SPON1: variants seen among roughly 807,000 people sequenced by gnomAD.
SPON1 encodes spondin-1.
Under a neutral mutation model 111.7 loss-of-function variants are expected in SPON1, and 52 were observed. The ratio of observed to expected loss-of-function variants is 0.47; its 90% CI spans 0.37 to 0.59. The LOEUF is 0.59. Among genes scored for constraint, SPON1 ranks in the 20% least tolerant of loss-of-function variants. SPON1 has a pLI of 0.00. For synonymous variants in SPON1, 410 were observed against 395.8 expected (o/e 1.04, Z -0.43); for missense variants, 957 against 1,068.5 (o/e 0.90, Z 1.46).
At chr11:14,045,392 C>A (rs1321092742) in intron 3 of SPON1, among the ~76,000 whole-genome samples, 1 of 151,994 alleles carries the variant, frequency 6.6e-6, no homozygotes, top group East Asian at 1.9e-4. Context: ...GCCTGGCCAA[C>A]ATGGTGAAAC....
chr11:14,115,012 G>T (rs368835783), intron 5 of SPON1, among the ~76,000 whole-genome samples: 5 of 152,138 alleles, frequency 3.3e-5, no homozygotes, highest in Non-Finnish European at 5.9e-5. Context: ...CTCCAGGCAG[G>T]CACTTCTGTC....
At chr11:14,019,904 T>C (rs1848468887) in intron 2 of SPON1, among the ~76,000 whole-genome samples, 1 of 152,192 alleles carries the variant, frequency 6.6e-6, no homozygotes, top group Non-Finnish European at 1.5e-5. Flanking sequence ...CTACCCCTTT[T>C]GTCAGAGAGG....
At chr11:14,122,258 C>T (rs534968120) in intron 5 of SPON1, among the ~76,000 whole-genome samples, 21 of 152,300 alleles carry the variant, frequency 1.4e-4, no homozygotes, top group Admixed American at 1.4e-3. Flanking sequence ...ACTGCAAGCT[C>T]TACCTCCCAG....
At chr11:14,081,426 T>C (rs782252604) in intron 5 of SPON1, among the ~76,000 whole-genome samples, 2 of 152,148 alleles carry the variant, frequency 1.3e-5, no homozygotes, top group Admixed American at 1.3e-4. Flanking sequence ...TAGTGTTTAA[T>C]CCTCAAAGTA....
At chr11:13,971,953 A>T (rs1229786587) in intron 1 of SPON1, among the ~76,000 whole-genome samples, 1 of 152,166 alleles carries the variant, frequency 6.6e-6, no homozygotes, top group South Asian at 2.1e-4. Context: ...TCTGCCTACC[A>T]TGTAACTTTC....
In SPON1 at chr11:14,135,522, C is replaced by G; in HGVS notation, c.779C>G (p.Ala260Gly). The change falls in exon 6 of 16, where the codon GCA becomes GGA. Residue 260 changes from alanine (A) to glycine (G), a missense_variant. Physicochemically the swap from Ala to Gly is moderately conservative, Grantham distance 60 (BLOSUM62 0). This residue lies in a region of SPON1 where 122 missense variants were observed against 143.2 expected (regional missense o/e 0.85). Transcript: ENST00000576479. The surrounding 1 kb of genome is among the most constrained non-coding windows in gnomAD (Gnocchi z 4.4). ...GCCAGCGAAGGCGTCAAACAAGTTG[C>G]AGAATTGGGCTCACCCGTGAAAATG... is the stretch of plus-strand genomic sequence containing the variant. ...GYASEGVKQV[A>G]ELGSPVKMEE... 1 of 1,613,880 alleles carries G rather than the reference C, an allele frequency of 6.2e-7. No homozygotes were observed. The highest frequency in any genetic ancestry group is 8.5e-7 in the Non-Finnish European group (1 of 1,179,812).
chr11:14,073,247 T>A (rs1459277265), intron 3 of SPON1, among the ~76,000 whole-genome samples: 1 of 152,172 alleles, frequency 6.6e-6, no homozygotes, highest in African/African-American at 2.4e-5. Context: ...CAGCCTGCCA[T>A]GTGGACAGTT....
chr11:14,255,002 G>T (rs1849090610), intron 8 of SPON1, among the ~76,000 whole-genome samples: 1 of 152,180 alleles, frequency 6.6e-6, no homozygotes, highest in African/African-American at 2.4e-5. Context: ...AAGAGCGAAG[G>T]TTTCTGGACA....
intron 5 of SPON1, among the ~76,000 whole-genome samples, chr11:14,095,409 T>C (rs1308435873): frequency 4.5e-5 from 2 of 44,314 alleles, no homozygotes; most frequent in Non-Finnish European, 8.3e-5. Context: ...AGAGACTAGA[T>C]AGATAGATAG....
intron 5 of SPON1, among the ~76,000 whole-genome samples, chr11:14,104,482 A>G (rs188945902): frequency 1.3e-5 from 2 of 152,132 alleles, no homozygotes; most frequent in East Asian, 1.9e-4. Flanking sequence ...AGATTTCATT[A>G]TCAAAATGGT....
intron 2 of SPON1, among the ~76,000 whole-genome samples, chr11:14,036,335 A>T (rs1170260933): frequency 1.3e-5 from 2 of 152,242 alleles, no homozygotes; most frequent in East Asian, 3.9e-4. Flanking sequence ...GATGTAGCTT[A>T]GTCCAGGGTA....
chr11:14,124,382 C>T (rs1554926827), intron 5 of SPON1, among the ~76,000 whole-genome samples: 1 of 152,250 alleles, frequency 6.6e-6, no homozygotes, highest in African/African-American at 2.4e-5. Flanking sequence ...TCCAGGACAC[C>T]TCCTCTGGAA....
At chr11:14,182,624 G>A (rs182900210) in intron 6 of SPON1, among the ~76,000 whole-genome samples, 3 of 152,226 alleles carry the variant, frequency 2.0e-5, no homozygotes, top group East Asian at 3.9e-4. Context: ...CCAACCTGAA[G>A]AGGCAAATGG....
At chr11:14,151,077 G>A (rs542257369) in intron 6 of SPON1, among the ~76,000 whole-genome samples, 8 of 152,292 alleles carry the variant, frequency 5.3e-5, no homozygotes, top group South Asian at 4.1e-4. Flanking sequence ...CCGTGCCACC[G>A]TTGCATCTGG....
At chr11:14,002,519 A>G (rs1848326825) in intron 2 of SPON1, among the ~76,000 whole-genome samples, 1 of 152,128 alleles carries the variant, frequency 6.6e-6, no homozygotes, top group Non-Finnish European at 1.5e-5. Context: ...AGGGCTGAAG[A>G]CTGGGGAGAT....
At chr11:14,177,465 G>A (rs1398349690) in intron 6 of SPON1, among the ~76,000 whole-genome samples, 1 of 152,080 alleles carries the variant, frequency 6.6e-6, no homozygotes, top group Non-Finnish European at 1.5e-5. Context: ...CTGGGTGGGG[G>A]CCACAAGATC....
intron 2 of SPON1, among the ~76,000 whole-genome samples, chr11:14,012,029 T>G (rs1261962192): frequency 6.6e-6 from 1 of 152,024 alleles, no homozygotes; most frequent in Non-Finnish European, 1.5e-5. Context: ...CTTAGCAGAG[T>G]CCTGGCAGGT....
chr11:14,012,502 T>C (rs147885367), intron 2 of SPON1, among the ~76,000 whole-genome samples: 83 of 152,322 alleles, frequency 5.4e-4, no homozygotes, highest in African/African-American at 2.0e-3. Flanking sequence ...AAACCGCATT[T>C]ATCCTATGTG....
intron 2 of SPON1, among the ~76,000 whole-genome samples, chr11:14,002,125 G>C (rs1848323806): frequency 6.6e-6 from 1 of 152,190 alleles, no homozygotes; most frequent in African/African-American, 2.4e-5. Flanking sequence ...AGGAAAGTGA[G>C]AGTAGATAGG....
Sources: allele counts gnomAD v4.1 joint callset (sites outside exome capture counted in the v4.1 genomes callset), GRCh38; gene constraint gnomAD v4.1.1; regional missense constraint gnomAD v4.1.1; non-coding constraint Gnocchi (gnomAD v3.1); transcripts MANE v1.5; gene names NCBI Gene and HGNC (gene_info 2026-07-23, HGNC 2026-07-21).